Variants in CELF2 observed in about 807,000 individuals in gnomAD.
The protein encoded by CELF2 is CUGBP Elav-like family member 2.
CELF2 carries 8 observed loss-of-function variants against 62.6 expected under a neutral mutation model. That is an observed-to-expected ratio of 0.13 (90% confidence interval 0.07 to 0.23). The LOEUF (loss-of-function observed/expected upper bound fraction) is 0.23. CELF2 is among the 10% of genes least tolerant of loss of function. The probability of loss-of-function intolerance (pLI) is 1.00; values close to 1 mark genes in which losing one functional copy is unlikely to be tolerated. For missense variants in CELF2, 333 were observed against 671.0 expected, an observed-to-expected ratio of 0.50 and a Z score of 5.56; for synonymous variants, 258 against 250.0, an observed-to-expected ratio of 1.03 and a Z score of -0.30.
At chr10:11,182,029 C>T (rs1244353660) in intron 2 of CELF2, among the ~76,000 whole-genome samples, 2 of 152,190 alleles carry the variant, frequency 1.3e-5, no homozygotes, top group Non-Finnish European at 2.9e-5. Flanking sequence ...TTTAGGGTGT[C>T]ACTGTAGTGT....
At chr10:10,651,245 T>C in the CELF2 span, among the ~76,000 whole-genome samples, 5 of 132,738 alleles carry the variant, frequency 3.8e-5, no homozygotes, top group Non-Finnish European at 6.6e-5. Flanking sequence ...CGCTGATTGC[T>C]AGCACAGCAG....
rs1478028784 is a variant in CELF2 at position 11,296,215 on chromosome 10, A to G, written c.976+7663A>G. ...AGTGGGCTTTTTAACATGTGCAGAC[A>G]TTGACTCTAATTCTTCACGTATTTG... On this transcript the variant is annotated intron_variant, in intron 9 of 12. Transcript: ENST00000633077. The surrounding 1 kb of genome is among the most constrained non-coding windows in gnomAD (Gnocchi z 5.0). Among the ~76,000 whole-genome samples the G allele has an allele frequency of 2.0e-5, 3 of 152,096 alleles. No individual in the cohort carries two copies. The highest frequency in any genetic ancestry group is 4.8e-5 in the African/African-American group (2 of 41,422).
the CELF2 span, among the ~76,000 whole-genome samples, chr10:10,476,526 T>G: frequency 6.6e-6 from 1 of 152,128 alleles, no homozygotes; most frequent in Non-Finnish European, 1.5e-5. Flanking sequence ...TGTATTTGGA[T>G]GGTAGCTATG....
the CELF2 span, among the ~76,000 whole-genome samples, chr10:10,467,846 A>C: frequency 6.6e-6 from 1 of 152,024 alleles, no homozygotes; most frequent in African/African-American, 2.4e-5. Context: ...TCATGGAAAA[A>C]CGGAATTGAA....
At chr10:10,562,488 G>C in the CELF2 span, among the ~76,000 whole-genome samples, 4 of 152,148 alleles carry the variant, frequency 2.6e-5, no homozygotes, top group African/African-American at 9.7e-5. Context: ...AATAGGGTGA[G>C]AGTGAAGCAT....
chr10:10,709,259 G>A, the CELF2 span, among the ~76,000 whole-genome samples: 1 of 152,192 alleles, frequency 6.6e-6, no homozygotes, highest in South Asian at 2.1e-4. Flanking sequence ...AAATGCCAAG[G>A]TAAAGACTGT....
the CELF2 span, among the ~76,000 whole-genome samples, chr10:10,467,864 A>T: frequency 1.3e-5 from 2 of 152,112 alleles, no homozygotes; most frequent in Non-Finnish European, 2.9e-5. Flanking sequence ...GAAAGTTAAA[A>T]ATAAAAAATG....
the CELF2 span, among the ~76,000 whole-genome samples, chr10:10,622,910 T>C: frequency 1.3e-5 from 2 of 150,668 alleles, no homozygotes; most frequent in African/African-American, 2.4e-5. Context: ...TGAAACCCCA[T>C]CTCTACTAAA....
intron 1 of CELF2, among the ~76,000 whole-genome samples, chr10:10,840,630 G>A (rs546528069): frequency 2.0e-5 from 3 of 152,238 alleles, no homozygotes; most frequent in Admixed American, 6.5e-5. Context: ...TTTTGCAAAT[G>A]TATTTTTTTC....
chr10:11,072,549 T>C (rs1239910409), intron 1 of CELF2, among the ~76,000 whole-genome samples: 1 of 152,192 alleles, frequency 6.6e-6, no homozygotes, highest in Non-Finnish European at 1.5e-5. Flanking sequence ...GACAGCCTCT[T>C]TGAGCATAAG....
intron 2 of CELF2, among the ~76,000 whole-genome samples, chr10:10,929,029 C>G (rs531679022): frequency 5.3e-5 from 8 of 152,130 alleles, no homozygotes; most frequent in Non-Finnish European, 1.0e-4. Flanking sequence ...ATTGAGGAAG[C>G]CTTCTCCTAA....
intron 4 of CELF2, among the ~76,000 whole-genome samples, chr10:11,252,003 G>A (rs1198587931): frequency 6.6e-6 from 1 of 152,198 alleles, no homozygotes; most frequent in Admixed American, 6.5e-5. Context: ...TTTGCGGATT[G>A]ACCTTCATTT....
intron 9 of CELF2, among the ~76,000 whole-genome samples, chr10:11,294,491 C>A (rs114783410): frequency 0.016 from 2,457 of 152,278 alleles, 67 homozygotes; most frequent in African/African-American, 0.055. Context: ...CATCTTTTGT[C>A]ATTGTTTATT....
At chr10:10,968,271 T>C (rs766501865) in intron 2 of CELF2, among the ~76,000 whole-genome samples, 1 of 152,106 alleles carries the variant, frequency 6.6e-6, no homozygotes, top group Non-Finnish European at 1.5e-5. Flanking sequence ...CAGAAAAAAA[T>C]TCTTGGCTTG....
the CELF2 span, among the ~76,000 whole-genome samples, chr10:10,778,530 A>G: frequency 7.4e-4 from 113 of 152,238 alleles, 2 homozygotes; most frequent in African/African-American, 2.6e-3. Context: ...CAAATAGAAC[A>G]CATTTCTTAT....
At chr10:10,913,471 A>G (rs1476904971) in intron 1 of CELF2, among the ~76,000 whole-genome samples, 1 of 134,370 alleles carries the variant, frequency 7.4e-6, no homozygotes, top group Admixed American at 8.8e-5. Context: ...GCTCACTGCA[A>G]CCTCCGCCTC....
In CELF2 at chr10:11,197,049, GAAAGAAAGAAA is replaced by G. The variant is rs1565232562; in HGVS notation, c.272-20374_272-20364del. Among the ~76,000 whole-genome samples, 277 of 51,630 alleles carry G rather than the reference GAAAGAAAGAAA, an allele frequency of 5.4e-3. 28 individuals are homozygous for G. The highest frequency in any genetic ancestry group is 9.0e-3 in the Non-Finnish European group (213 of 23,676). 33.9% of individuals were successfully genotyped at this position (51,630 alleles called of 152,430 possible). The stretch of plus-strand genomic sequence containing the variant: ...GAAAAGAAAGAAAGAAAGAAAGAAA[GAAAGAAAGAAA>G]AGAAAGAAAGGAAAGAAAGAAAGAA... On this transcript the variant is annotated intron_variant, in intron 2 of 12. Transcript: ENST00000633077.
At chr10:11,109,835 G>A (rs562754627) in intron 1 of CELF2, among the ~76,000 whole-genome samples, 23 of 152,168 alleles carry the variant, frequency 1.5e-4, no homozygotes, top group Non-Finnish European at 2.9e-4. Context: ...CTCTCTCCCC[G>A]CCCCCTGACT....
chr10:11,106,207 T>TTTTTTTTA (rs1554839842), intron 1 of CELF2, among the ~76,000 whole-genome samples: 12 of 140,440 alleles, frequency 8.5e-5, no homozygotes, highest in Non-Finnish European at 1.5e-4. Context: ...TTTTACTTTA[T>TTTTTTTTA]TTTATTTATT....
Sources: gnomAD v4.1 joint callset for allele counts (sites outside exome capture counted in the v4.1 genomes callset) on GRCh38, gnomAD v4.1.1 for gene constraint, Gnocchi (gnomAD v3.1) non-coding constraint, MANE v1.5 for transcripts, NCBI Gene and HGNC (gene_info 2026-07-23, HGNC 2026-07-21) for gene names.